The following OPCML variants were observed in gnomAD, a reference collection of about 807,000 sequenced individuals.
The protein encoded by OPCML is opioid binding protein/cell adhesion molecule like.
Under a neutral mutation model 37.8 loss-of-function variants are expected in OPCML, and 13 were observed. That is an observed-to-expected ratio of 0.34 (90% CI 0.22 to 0.55). The LOEUF is 0.55. Among genes scored for constraint, OPCML ranks in the 20% least tolerant of loss-of-function variants. The pLI is 0.91. For synonymous variants in OPCML, 176 were observed against 168.8 expected (o/e 1.04, Z -0.33); for missense variants, 341 against 435.6 (o/e 0.78, Z 1.93).
intron 1 of OPCML, among the ~76,000 whole-genome samples, chr11:133,318,153 G>T (rs565650268): frequency 6.9e-4 from 105 of 152,288 alleles, no homozygotes; most frequent in Non-Finnish European, 1.2e-3. Context: ...CTTTGTGCTG[G>T]CTCTTTTAGG....
chr11:133,487,163 C>T (rs2120402828), intron 1 of OPCML, among the ~76,000 whole-genome samples: 1 of 152,218 alleles, frequency 6.6e-6, no homozygotes, highest in Admixed American at 6.5e-5. Context: ...AAATCATTCT[C>T]TTATACTCAA....
chr11:133,007,113 C>T, intron 1 of OPCML: 1 of 985,412 alleles, frequency 1.0e-6, no homozygotes, highest in Non-Finnish European at 1.2e-6. Context: ...TCCCCTAGAG[C>T]TTTATTTTCC....
chr11:133,512,539 T>G (rs1407672978), intron 1 of OPCML, among the ~76,000 whole-genome samples: 17 of 152,178 alleles, frequency 1.1e-4, no homozygotes, highest in Non-Finnish European at 2.4e-4. Context: ...TAGCCACTGG[T>G]GATTAGCTCA....
intron 1 of OPCML, among the ~76,000 whole-genome samples, chr11:133,189,480 T>C (rs1238536458): frequency 2.0e-5 from 3 of 152,220 alleles, no homozygotes; most frequent in Non-Finnish European, 4.4e-5. Flanking sequence ...GTATTGTATA[T>C]TGGATACTAG....
At chr11:133,106,977 C>G (rs1949169173) in intron 1 of OPCML, among the ~76,000 whole-genome samples, 1 of 152,200 alleles carries the variant, frequency 6.6e-6, no homozygotes, top group Admixed American at 6.5e-5. Context: ...AGAACAGCTA[C>G]TTTCAACTCA....
At chr11:133,253,307 CATTTT>C (rs979651651) in intron 1 of OPCML, among the ~76,000 whole-genome samples, 2 of 151,888 alleles carry the variant, frequency 1.3e-5, no homozygotes, top group African/African-American at 2.4e-5. Context: ...GTGCAAGTCA[CATTTT>C]ATTTTATTTT....
At chr11:132,831,243 G>A (rs190833349) in intron 2 of OPCML, among the ~76,000 whole-genome samples, 33 of 152,110 alleles carry the variant, frequency 2.2e-4, no homozygotes, top group South Asian at 8.3e-4. Flanking sequence ...ACTCACTATC[G>A]CCCAATGAAC....
intron 1 of OPCML, among the ~76,000 whole-genome samples, chr11:133,317,773 A>G (rs1405372179): frequency 6.6e-6 from 1 of 152,232 alleles, no homozygotes; most frequent in Non-Finnish European, 1.5e-5. Flanking sequence ...TTATTAGCAG[A>G]ACCTCCAGAT....
At chr11:132,818,178 T>C (rs992229386) in intron 2 of OPCML, among the ~76,000 whole-genome samples, 3 of 152,208 alleles carry the variant, frequency 2.0e-5, no homozygotes, top group African/African-American at 7.2e-5. Flanking sequence ...ATACTGAGCC[T>C]GGAAGTAGAG....
At chr11:132,609,657 A>G (rs1334792945) in intron 3 of OPCML, among the ~76,000 whole-genome samples, 1 of 152,174 alleles carries the variant, frequency 6.6e-6, no homozygotes, top group East Asian at 1.9e-4. Flanking sequence ...AATGCCACCC[A>G]TCCAGGAAAG....
intron 1 of OPCML, among the ~76,000 whole-genome samples, chr11:133,288,748 C>T (rs1942373517): frequency 1.3e-5 from 2 of 152,118 alleles, no homozygotes; most frequent in South Asian, 4.2e-4. Flanking sequence ...TTCAAATCTC[C>T]CAGGTGATTC....
intron 1 of OPCML, among the ~76,000 whole-genome samples, chr11:133,207,275 G>T (rs574844916): frequency 6.6e-6 from 1 of 152,018 alleles, no homozygotes; most frequent in Non-Finnish European, 1.5e-5. Flanking sequence ...CCTCCAGCCT[G>T]GGCGACAGAG....
At chr11:133,505,719 G>A (rs569104762) in intron 1 of OPCML, among the ~76,000 whole-genome samples, 2 of 152,224 alleles carry the variant, frequency 1.3e-5, no homozygotes, top group South Asian at 2.1e-4. Flanking sequence ...CTCCCAAAAG[G>A]AAGAGAACAA....
chr11:132,930,054 T>C (rs1249377168), intron 2 of OPCML, among the ~76,000 whole-genome samples: 1 of 152,088 alleles, frequency 6.6e-6, no homozygotes, highest in African/African-American at 2.4e-5. Flanking sequence ...CACTGGGCAT[T>C]CTACCTGAAG....
chr11:133,458,275 C>CACATATATATACACGTGTGTGTATATAT (rs1946733442), intron 1 of OPCML, among the ~76,000 whole-genome samples: 1 of 37,846 alleles, frequency 2.6e-5, no homozygotes, highest in Non-Finnish European at 4.1e-5. Context: ...TGTATATATA[C>CACATATATATACACGTGTGTGTATATAT]ACACATATAT....
At chr11:133,395,759 C>T (rs1479960279) in intron 1 of OPCML, among the ~76,000 whole-genome samples, 1 of 152,074 alleles carries the variant, frequency 6.6e-6, no homozygotes, top group Non-Finnish European at 1.5e-5. Flanking sequence ...GTTTTTGTGC[C>T]AGTACCACAT....
At chr11:133,087,323 G>A (rs1948832152) in intron 1 of OPCML, among the ~76,000 whole-genome samples, 1 of 152,116 alleles carries the variant, frequency 6.6e-6, no homozygotes, top group African/African-American at 2.4e-5. Flanking sequence ...GGGGCTACCT[G>A]CCTAGGTTTG....
At chr11:132,625,864 C>G (rs1939709712) in intron 3 of OPCML, among the ~76,000 whole-genome samples, 1 of 152,136 alleles carries the variant, frequency 6.6e-6, no homozygotes, top group South Asian at 2.1e-4. Context: ...GGAGTCCTGA[C>G]TGATGCTAGC....
At chr11:133,318,375 A>T (rs1943252519) in intron 1 of OPCML, among the ~76,000 whole-genome samples, 1 of 151,792 alleles carries the variant, frequency 6.6e-6, no homozygotes, top group Non-Finnish European at 1.5e-5. Context: ...ATTAGGCTCC[A>T]CCTCCTCCAC....
Sources: gnomAD v4.1 joint callset for allele counts (sites outside exome capture counted in the v4.1 genomes callset) on GRCh38, gnomAD v4.1.1 for gene constraint, MANE v1.5 for transcripts, NCBI Gene and HGNC (gene_info 2026-07-23, HGNC 2026-07-21) for gene names.